PCSK5: variants seen among roughly 807,000 people sequenced by gnomAD.
The protein encoded by PCSK5 is prohormone convertase 5.
Under a neutral mutation model 233.2 loss-of-function variants are expected in PCSK5, and 129 were observed. The observed-to-expected ratio is 0.55, with a 90% CI of 0.48 to 0.64. The LOEUF is 0.64. Among genes scored for constraint, PCSK5 ranks in the 30% least tolerant of loss-of-function variants. PCSK5 has a pLI of 0.00. For missense variants in PCSK5, 2,076 were observed against 2,430.1 expected, an observed-to-expected ratio of 0.85 and a Z score of 3.06; for synonymous variants, 825 against 879.2, an observed-to-expected ratio of 0.94 and a Z score of 1.09.
intron 3 of PCSK5, among the ~76,000 whole-genome samples, chr9:76,007,863 A>C (rs1237413077): frequency 1.3e-5 from 2 of 150,880 alleles, no homozygotes; most frequent in South Asian, 4.2e-4. Flanking sequence ...CCACAAAAAA[A>C]TACAACATGG....
chr9:75,923,032 G>C (rs1275853569), intron 1 of PCSK5, among the ~76,000 whole-genome samples: 1 of 152,150 alleles, frequency 6.6e-6, no homozygotes, highest in Non-Finnish European at 1.5e-5. Context: ...GGTGAGACAG[G>C]GTGGGGATAC....
intron 37 of PCSK5, among the ~76,000 whole-genome samples, chr9:76,356,898 C>T (rs547982158): frequency 6.6e-6 from 1 of 152,268 alleles, no homozygotes; most frequent in Admixed American, 6.5e-5. Flanking sequence ...ATCCCTTGAA[C>T]ACGAGAGATC....
chr9:75,916,389 G>A (rs1361582006), intron 1 of PCSK5, among the ~76,000 whole-genome samples: 1 of 152,128 alleles, frequency 6.6e-6, no homozygotes, highest in Non-Finnish European at 1.5e-5. Context: ...TTCTGTAAAT[G>A]TTTACTGGGC....
At chr9:76,173,629 CAT>C (rs1823439838) in intron 13 of PCSK5, among the ~76,000 whole-genome samples, 1 of 148,786 alleles carries the variant, frequency 6.7e-6, no homozygotes. Context: ...GATCCAGACT[CAT>C]AGAAGGTGAA....
intron 3 of PCSK5, among the ~76,000 whole-genome samples, chr9:75,987,417 G>C (rs185302219): frequency 4.0e-5 from 6 of 151,760 alleles, no homozygotes; most frequent in Admixed American, 6.6e-5. Context: ...TTGGACTTGT[G>C]GGGGGGCGGG....
chr9:76,102,674 G>C (rs149576391), intron 8 of PCSK5, among the ~76,000 whole-genome samples: 44 of 151,816 alleles, frequency 2.9e-4, no homozygotes, highest in Non-Finnish European at 5.4e-4. Flanking sequence ...TGTAGTACTT[G>C]TGAGAGTATT....
intron 1 of PCSK5, among the ~76,000 whole-genome samples, chr9:75,928,209 G>T (rs186012964): frequency 1.7e-4 from 26 of 152,070 alleles, no homozygotes; most frequent in Non-Finnish European, 2.5e-4. Context: ...AAAAGGTTGG[G>T]CTTTGCACTA....
At chr9:76,176,359 A>G (rs543471424) in intron 14 of PCSK5, among the ~76,000 whole-genome samples, 33 of 152,290 alleles carry the variant, frequency 2.2e-4, no homozygotes, top group African/African-American at 7.7e-4. Context: ...TGATTCATCA[A>G]TCTAATAATT....
At chr9:76,048,406 A>G (rs1259372368) in intron 5 of PCSK5, among the ~76,000 whole-genome samples, 1 of 152,218 alleles carries the variant, frequency 6.6e-6, no homozygotes, top group Non-Finnish European at 1.5e-5. Flanking sequence ...TGATCCAGAT[A>G]GCTTAAAAAT....
Position 76,045,930 on chromosome 9 carries a change from TGC to T in PCSK5, c.632+18894_632+18895del, listed in dbSNP as rs1165346364. On this transcript the variant is annotated intron_variant, in intron 5 of 37. Transcript: ENST00000674117. ...ACTTCTGAGAGATTGTTAGTTAATT[TGC>T]CATAAGGGTTTTCCATTTCTGCAAT... 3.9e-5 allele frequency among the ~76,000 whole-genome samples: 6 copies of T among 152,236 alleles called. No homozygotes were observed. In the South Asian group the frequency reaches 6.2e-4, roughly 16 times the overall value.
intron 9 of PCSK5, among the ~76,000 whole-genome samples, chr9:76,123,874 G>A (rs1832739856): frequency 6.6e-6 from 1 of 152,050 alleles, no homozygotes; most frequent in Non-Finnish European, 1.5e-5. Flanking sequence ...CAGTTCAACT[G>A]TTTTATTATC....
intron 24 of PCSK5, among the ~76,000 whole-genome samples, chr9:76,281,000 C>G (rs1370397126): frequency 2.0e-5 from 3 of 152,024 alleles, no homozygotes; most frequent in Non-Finnish European, 4.4e-5. Flanking sequence ...TTTATGTAAG[C>G]TGAGAGAGGT....
At chr9:76,266,162 C>G (rs562428093) in intron 24 of PCSK5, among the ~76,000 whole-genome samples, 16 of 152,252 alleles carry the variant, frequency 1.1e-4, no homozygotes, top group Admixed American at 2.6e-4. Flanking sequence ...TTCATGTAAT[C>G]CACTGGTTTT....
chr9:76,107,429 G>A (rs750553330), intron 9 of PCSK5, 78 bp downstream of exon 9: 27 of 792,828 alleles, frequency 3.4e-5, no homozygotes, highest in Non-Finnish European at 4.3e-5. Flanking sequence ...CCTTGTATAG[G>A]ACCCCTAGCA....
At chr9:76,033,050 T>C (rs1828713442) in intron 5 of PCSK5, among the ~76,000 whole-genome samples, 1 of 152,224 alleles carries the variant, frequency 6.6e-6, no homozygotes, top group African/African-American at 2.4e-5. Context: ...GAATTTCGTC[T>C]AGTTCTTTAG....
rs368097155 is a variant in PCSK5 at position 76,308,748 on chromosome 9, G to A, written c.3688+20G>A. On this transcript the variant is annotated intron_variant, in intron 29 of 37. Coordinates refer to ENST00000674117, the MANE Select transcript of PCSK5 (RefSeq NM_001372043.1). ...CCAAAGGTTAGTGTGTTGCGTGACAGAAGATGGCAGCAGTCAAGCCAAGTC... is the reference window on the plus strand; with the variant it reads ...CCAAAGGTTAGTGTGTTGCGTGACAAAAGATGGCAGCAGTCAAGCCAAGTC... The A allele has an allele frequency of 2.6e-6, 4 of 1,528,148 alleles. No homozygotes were observed. Among genetic ancestry groups the A allele is most frequent in the Non-Finnish European group, 3.6e-6 (4 of 1,104,248 alleles). The allele number at this position is 1,528,148 out of a possible 1,614,324, so 94.7% of individuals were successfully genotyped here. A position where few individuals can be genotyped will look rare whatever the true frequency, so the allele number is the denominator to read the frequency against.
At chr9:76,317,319 C>T (rs893595743) in intron 30 of PCSK5, among the ~76,000 whole-genome samples, 1 of 152,262 alleles carries the variant, frequency 6.6e-6, no homozygotes, top group African/African-American at 2.4e-5. Flanking sequence ...GTTGAGATCA[C>T]GCCACTGCAC....
At chr9:76,164,567 A>G (rs7019127) in intron 12 of PCSK5, among the ~76,000 whole-genome samples, 25,865 of 152,102 alleles carry the variant, frequency 0.17, 2,365 homozygotes, top group Middle Eastern at 0.24. Context: ...CCTCTCCCAA[A>G]AAGTCTAATT....
At chr9:76,247,291 G>T (rs1381615925) in intron 24 of PCSK5, among the ~76,000 whole-genome samples, 2 of 152,184 alleles carry the variant, frequency 1.3e-5, no homozygotes, top group Non-Finnish European at 2.9e-5. Flanking sequence ...GACCAGAAGA[G>T]TGCAGTTGCA....
Sources: allele counts gnomAD v4.1 joint callset (sites outside exome capture counted in the v4.1 genomes callset), GRCh38; gene constraint gnomAD v4.1.1; transcripts MANE v1.5; gene names NCBI Gene and HGNC (gene_info 2026-07-23, HGNC 2026-07-21).